The following CSMD1 variants were observed in gnomAD, a reference collection of about 807,000 sequenced individuals.
The protein encoded by CSMD1 is CUB and sushi domain-containing protein 1.
In CSMD1, 213 loss-of-function variants were observed where a neutral mutation model predicts 417.5. The ratio of observed to expected loss-of-function variants is 0.51; its 90% CI spans 0.46 to 0.57. The LOEUF (loss-of-function observed/expected upper bound fraction) is 0.57, where lower values mean the gene tolerates loss of function less well. CSMD1 is among the 20% of genes least tolerant of loss of function. CSMD1 has a pLI of 0.00. For missense variants in CSMD1, 6,923 were observed against 4,529.7 expected (o/e 1.53, Z -15.17); for synonymous variants, 2,862 against 1,736.8 (o/e 1.65, Z -16.11).
At chr8:3,318,777 C>A (rs9644337) in intron 23 of CSMD1, among the ~76,000 whole-genome samples, 3 of 151,866 alleles carry the variant, frequency 2.0e-5, no homozygotes, top group African/African-American at 7.3e-5. Context: ...AAGCCAGATC[C>A]GAGCACAGGG....
chr8:4,362,473 G>A (rs1467369447), intron 3 of CSMD1, among the ~76,000 whole-genome samples: 4 of 152,210 alleles, frequency 2.6e-5, no homozygotes, highest in African/African-American at 4.8e-5. Context: ...ATAAGATTAC[G>A]GCTTTCTTCA....
At chr8:3,927,957 A>C (rs1318659390) in intron 5 of CSMD1, among the ~76,000 whole-genome samples, 2 of 152,162 alleles carry the variant, frequency 1.3e-5, no homozygotes, top group African/African-American at 4.8e-5. Context: ...TAATTTCTTA[A>C]GTTCATTTAA....
intron 26 of CSMD1, among the ~76,000 whole-genome samples, chr8:3,277,779 G>A (rs73187533): frequency 0.085 from 12,900 of 152,208 alleles, 599 homozygotes; most frequent in Middle Eastern, 0.096. Context: ...TGTTTCCTTA[G>A]GAGTACCAGA....
rs142208642 is a variant in CSMD1 at position 3,774,127 on chromosome 8, T to G, written c.819-20085A>C. Among the ~76,000 whole-genome samples, 5 of 152,346 alleles carry G rather than the reference T, an allele frequency of 3.3e-5. No homozygotes were observed. In the East Asian group the frequency reaches 7.7e-4, roughly 24 times the overall value. On this transcript the variant is annotated intron_variant, in intron 5 of 69. Coordinates refer to ENST00000635120, the MANE Select transcript of CSMD1 (RefSeq NM_033225.6). ...TCCGCAACCCATTCCCTCTTAGGTT[T>G]GAGCATAAATTTACGCTGCACAAAG...
chr8:4,250,409 A>C (rs1477895331), intron 3 of CSMD1, among the ~76,000 whole-genome samples: 1 of 152,168 alleles, frequency 6.6e-6, no homozygotes, highest in African/African-American at 2.4e-5. Context: ...TTGAGGATCC[A>C]ATATTGTAGC....
intron 1 of CSMD1, among the ~76,000 whole-genome samples, chr8:4,748,476 G>A (rs551013169): frequency 6.6e-6 from 1 of 152,314 alleles, no homozygotes; most frequent in African/African-American, 2.4e-5. Flanking sequence ...TGGAAAGTGT[G>A]GCTGGCTGTG....
intron 5 of CSMD1, among the ~76,000 whole-genome samples, chr8:3,765,795 C>T (rs1027041634): frequency 3.3e-5 from 5 of 152,232 alleles, no homozygotes; most frequent in African/African-American, 9.6e-5. Flanking sequence ...CAGAGTCCTA[C>T]GGGTGGAGAC....
chr8:3,781,621 G>C (rs543396882), intron 5 of CSMD1, among the ~76,000 whole-genome samples: 2 of 152,304 alleles, frequency 1.3e-5, no homozygotes, highest in East Asian at 1.9e-4. Flanking sequence ...ATACCATCAA[G>C]AAACCCTATA....
chr8:3,985,675 C>G (rs1007098133), intron 5 of CSMD1, among the ~76,000 whole-genome samples: 2 of 152,050 alleles, frequency 1.3e-5, no homozygotes, highest in African/African-American at 4.8e-5. Context: ...TGCTAGAATT[C>G]TCATTACAAC....
intron 5 of CSMD1, among the ~76,000 whole-genome samples, chr8:3,965,530 G>C (rs1177921218): frequency 2.0e-5 from 3 of 152,180 alleles, no homozygotes; most frequent in African/African-American, 7.2e-5. Context: ...AAACAATAGA[G>C]CCTGAACAAC....
At chr8:3,020,358 A>C (rs1809261317) in intron 51 of CSMD1, among the ~76,000 whole-genome samples, 2 of 152,144 alleles carry the variant, frequency 1.3e-5, no homozygotes, top group Non-Finnish European at 2.9e-5. Flanking sequence ...TGTACCACTA[A>C]AACCAGCCCT....
At chr8:3,040,911 A>G (rs1373494450) in intron 50 of CSMD1, among the ~76,000 whole-genome samples, 1 of 152,228 alleles carries the variant, frequency 6.6e-6, no homozygotes, top group Non-Finnish European at 1.5e-5. Flanking sequence ...ATTTAATGGA[A>G]ATTGTTTGCA....
chr8:3,574,542 C>A (rs747175493), intron 10 of CSMD1, among the ~76,000 whole-genome samples: 1 of 152,068 alleles, frequency 6.6e-6, no homozygotes, highest in Middle Eastern at 3.2e-3. Flanking sequence ...CGACTGAGCC[C>A]GGCCAAAAGA....
At chr8:4,309,640 G>A (rs1001029150) in intron 3 of CSMD1, among the ~76,000 whole-genome samples, 3 of 152,024 alleles carry the variant, frequency 2.0e-5, no homozygotes, top group Admixed American at 6.6e-5. Flanking sequence ...GGGGCATACT[G>A]CTACTGAAAT....
chr8:2,997,099 C>T (rs1331073396), intron 54 of CSMD1, among the ~76,000 whole-genome samples: 1 of 152,230 alleles, frequency 6.6e-6, no homozygotes, highest in Non-Finnish European at 1.5e-5. Context: ...GCATTCTGCA[C>T]TGTGGTTAGT....
chr8:4,260,622 T>C (rs998861307), intron 3 of CSMD1, among the ~76,000 whole-genome samples: 8 of 152,328 alleles, frequency 5.3e-5, no homozygotes, highest in Middle Eastern at 3.4e-3. Context: ...TTTAGAATTT[T>C]GATATTATTC....
intron 3 of CSMD1, among the ~76,000 whole-genome samples, chr8:4,042,731 G>T (rs142777218): frequency 1.4e-5 from 2 of 147,892 alleles, no homozygotes; most frequent in East Asian, 4.0e-4. Context: ...AGAAATGACA[G>T]CAATACCACA....
intron 1 of CSMD1, among the ~76,000 whole-genome samples, chr8:4,680,287 G>A (rs1805955377): frequency 6.6e-6 from 1 of 152,104 alleles, no homozygotes; most frequent in Non-Finnish European, 1.5e-5. Context: ...ATTTTACAAG[G>A]AAAATTCGAC....
At chr8:4,994,207 A>G (rs1399519314) in intron 1 of CSMD1, 125 bp downstream of exon 1, 10 of 793,082 alleles carry the variant, frequency 1.3e-5, no homozygotes, top group Admixed American at 2.4e-5. Flanking sequence ...AGCTTCGGCG[A>G]TGGAGCAGCG....
Sources: gnomAD v4.1 joint callset for allele counts (sites outside exome capture counted in the v4.1 genomes callset) on GRCh38, gnomAD v4.1.1 for gene constraint, MANE v1.5 for transcripts, NCBI Gene and HGNC (gene_info 2026-07-23, HGNC 2026-07-21) for gene names.